NYAP2: variants seen among roughly 807,000 people sequenced by gnomAD.
NYAP2 encodes neuronal tyrosine-phosphorylated phosphoinositide-3-kinase adaptor 2, also known as neuronal tyrosine-phosphorylated phosphoinositide-3-kinase adapter 2.
NYAP2 carries 23 observed loss-of-function variants against 50.4 expected under a neutral mutation model. That is an observed-to-expected ratio of 0.46 (90% CI 0.33 to 0.65). The LOEUF is 0.65. NYAP2 is among the 30% of genes least tolerant of loss of function. The pLI, the probability that NYAP2 is intolerant of heterozygous loss-of-function variation, is 0.02. For missense variants in NYAP2, 885 were observed against 861.0 expected (o/e 1.03, Z -0.35); for synonymous variants, 394 against 365.2 (o/e 1.08, Z -0.90).
chr2:225,451,572 T>A (rs1689653284), intron 3 of NYAP2, among the ~76,000 whole-genome samples: 1 of 152,154 alleles, frequency 6.6e-6, no homozygotes, highest in Non-Finnish European at 1.5e-5. Context: ...ATTACTGTGA[T>A]TGTAATTTAG....
intron 4 of NYAP2, among the ~76,000 whole-genome samples, chr2:225,530,389 G>A (rs1691232494): frequency 6.6e-6 from 1 of 152,122 alleles, no homozygotes. Flanking sequence ...TGATGCCCTA[G>A]CCATGACACT....
chr2:225,678,805 A>G, the NYAP2 span, among the ~76,000 whole-genome samples: 6 of 152,156 alleles, frequency 3.9e-5, no homozygotes, highest in Non-Finnish European at 8.8e-5. Flanking sequence ...GTGCAGACAT[A>G]TGGAATTTCT....
the NYAP2 span, among the ~76,000 whole-genome samples, chr2:225,679,191 G>T: frequency 1.1e-5 from 1 of 90,792 alleles, no homozygotes; most frequent in African/African-American, 2.9e-5. Context: ...CCTTATAAAA[G>T]CAAGTACTTT....
intron 2 of NYAP2, among the ~76,000 whole-genome samples, chr2:225,405,642 T>A (rs1156623692): frequency 6.6e-6 from 1 of 152,026 alleles, no homozygotes; most frequent in Non-Finnish European, 1.5e-5. Context: ...CTCTTTTCTC[T>A]AGTGAGGCCA....
chr2:225,473,460 T>C (rs1690048282), intron 3 of NYAP2, among the ~76,000 whole-genome samples: 1 of 152,238 alleles, frequency 6.6e-6, no homozygotes, highest in Non-Finnish European at 1.5e-5. Flanking sequence ...CCACATCCTC[T>C]CCAGCACCTG....
chr2:225,656,977 T>C (rs763177171), downstream of NYAP2, among the ~76,000 whole-genome samples: 2 of 152,174 alleles, frequency 1.3e-5, no homozygotes, highest in Non-Finnish European at 2.9e-5. Flanking sequence ...TGAGCTTTCA[T>C]TGAACTTTCT....
Position 225,589,516 on chromosome 2 carries a change from A to AAAATATATATATATATATATATATATAT in NYAP2, c.1618+6482_1618+6483insAATATATATATATATATATATATATATA, listed in dbSNP as rs112700820. Among the ~76,000 whole-genome samples, 235 of 71,170 alleles carry AAAATATATATATATATATATATATATAT rather than the reference A, an allele frequency of 3.3e-3. 3 individuals are homozygous for AAAATATATATATATATATATATATATAT. The highest frequency in any genetic ancestry group is 5.1e-3 in the Non-Finnish European group (189 of 36,942). 46.7% of individuals were successfully genotyped at this position (71,170 alleles called of 152,430 possible). On this transcript the variant is annotated intron_variant, in intron 5 of 6. Coordinates refer to ENST00000636099, the Ensembl canonical transcript of NYAP2. ...AAGACTATATCTCTACTAAAAGTAA[A>AAAATATATATATATATATATATATATAT]ATATATATATATATATATATATATA...
At chr2:225,408,897 T>C in exon 3 of NYAP2, 2 of 1,608,358 alleles carry the variant, frequency 1.2e-6, no homozygotes, top group Non-Finnish European at 1.7e-6. Flanking sequence ...TCCTCCAAGA[T>C]GATGAGTTCT....
intron 4 of NYAP2, among the ~76,000 whole-genome samples, chr2:225,532,251 G>A (rs192697900): frequency 6.6e-6 from 1 of 152,258 alleles, no homozygotes; most frequent in African/African-American, 2.4e-5. Context: ...CTTACAGTGT[G>A]TAAAAGCCAT....
intron 5 of NYAP2, among the ~76,000 whole-genome samples, chr2:225,624,399 C>T (rs1693173212): frequency 6.6e-6 from 1 of 152,206 alleles, no homozygotes; most frequent in Admixed American, 6.5e-5. Context: ...TACTTTTCCT[C>T]AGTTGTTCCT....
chr2:225,487,923 G>T (rs144687362), intron 3 of NYAP2, among the ~76,000 whole-genome samples: 169 of 152,154 alleles, frequency 1.1e-3, no homozygotes, highest in African/African-American at 4.0e-3. Flanking sequence ...ATGTATGATG[G>T]CACATCTGTT....
At chr2:225,600,725 A>G (rs1038225277) in intron 5 of NYAP2, among the ~76,000 whole-genome samples, 1 of 152,220 alleles carries the variant, frequency 6.6e-6, no homozygotes, top group African/African-American at 2.4e-5. Flanking sequence ...TCATTAAATA[A>G]TAATTCCCAA....
intron 4 of NYAP2, among the ~76,000 whole-genome samples, chr2:225,548,529 G>T (rs1691621408): frequency 6.6e-6 from 1 of 151,848 alleles, no homozygotes. Flanking sequence ...GGTTTACTGG[G>T]GATGTCAAGT....
intron 4 of NYAP2, among the ~76,000 whole-genome samples, chr2:225,542,907 T>C (rs547722848): frequency 6.6e-6 from 1 of 152,108 alleles, no homozygotes; most frequent in Non-Finnish European, 1.5e-5. Context: ...GGCTTTTCTT[T>C]GTTGGAAAAA....
At chr2:225,650,112 T>TGTAA (rs1204314364) in intron 6 of NYAP2, among the ~76,000 whole-genome samples, 1 of 152,172 alleles carries the variant, frequency 6.6e-6, no homozygotes, top group Non-Finnish European at 1.5e-5. Flanking sequence ...TGAGTCTGTG[T>TGTAA]GTAAGTAGGC....
chr2:225,399,251 T>C (rs145308773), upstream of NYAP2, among the ~76,000 whole-genome samples: 4 of 152,152 alleles, frequency 2.6e-5, no homozygotes, highest in Middle Eastern at 3.4e-3. Flanking sequence ...CCTTTTATCA[T>C]AGTGCAAAAT....
chr2:225,503,634 A>G (rs4673145), intron 3 of NYAP2, among the ~76,000 whole-genome samples: 47,952 of 152,088 alleles, frequency 0.32, 7,713 homozygotes, highest in South Asian at 0.48. Context: ...ATAATTAAGC[A>G]TCACATTAAT....
intron 3 of NYAP2, among the ~76,000 whole-genome samples, chr2:225,446,782 A>G (rs1459623832): frequency 6.6e-6 from 1 of 152,196 alleles, no homozygotes. Flanking sequence ...CAGGGCCACA[A>G]GGATGACTAC....
At chr2:225,678,712 G>A in the NYAP2 span, among the ~76,000 whole-genome samples, 5 of 152,120 alleles carry the variant, frequency 3.3e-5, no homozygotes, top group Non-Finnish European at 7.4e-5. Flanking sequence ...TCAGATACAA[G>A]GTTGAGGGGC....
Sources: allele counts gnomAD v4.1 joint callset (sites outside exome capture counted in the v4.1 genomes callset), GRCh38; gene constraint gnomAD v4.1.1; transcripts MANE v1.5; gene names NCBI Gene and HGNC (gene_info 2026-07-23, HGNC 2026-07-21).